RFC1: variants seen among roughly 807,000 people sequenced by gnomAD.
RFC1 encodes the protein A1 140 kDa subunit.
RFC1 carries 37 observed loss-of-function variants against 137.4 expected under a neutral mutation model. The observed-to-expected ratio is 0.27, with a 90% CI of 0.21 to 0.35. RFC1 has a LOEUF of 0.35. RFC1 is among the 10% of genes least tolerant of loss of function. The probability of loss-of-function intolerance (pLI) is 1.00; values close to 1 mark genes in which losing one functional copy is unlikely to be tolerated. For missense variants in RFC1, 1,205 were observed against 1,358.5 expected, an observed-to-expected ratio of 0.89 and a Z score of 1.78; for synonymous variants, 429 against 455.7, an observed-to-expected ratio of 0.94 and a Z score of 0.75.
chr4:39,303,143 C>G lies in RFC1; in HGVS notation c.2119G>C (p.Ala707Pro). 6.2e-7 allele frequency: 1 copy of G among 1,612,802 alleles called. No homozygotes were observed. Among genetic ancestry groups the G allele is most frequent in the African/African-American group, 1.3e-5 (1 of 75,014 alleles). ...SIKGFYSNGA[A>P]SSVSTKHALI... ...GCATGTTTCGTGCTTACTGAAGAGG[C>G]TGCTCCATCTGACCCAGGTTGAGGA... Residue 707 changes from alanine (A) to proline (P), a missense_variant, in exon 16 of 25, where the codon GCC becomes CCC. Around this residue, in one of 3 missense-constraint regions of RFC1, gnomAD observed 962 missense variants for 1,035.3 expected, o/e 0.93. Coordinates refer to ENST00000349703, the MANE Select transcript of RFC1 (RefSeq NM_002913.5).
At chr4:39,328,779 T>C (rs1333761353) in intron 4 of RFC1, among the ~76,000 whole-genome samples, 1 of 152,142 alleles carries the variant, frequency 6.6e-6, no homozygotes, top group Non-Finnish European at 1.5e-5. Context: ...ACTTAAGGCC[T>C]GTCATTTGGA....
chr4:39,308,727 T>C lies in RFC1; in HGVS notation c.1794A>G (p.Ile598Met), dbSNP rs377460974. Reference protein sequence around the residue: ...DKYKPTSLKTIIGQQGDQSCA... With the variant: ...DKYKPTSLKTMIGQQGDQSCA... The stretch of plus-strand genomic sequence containing the variant: ...AGCTCTGGTCACCTTGCTGTCCAAT[T>C]ATGGTCTTGAGCGAGGTTGGCTTAT... The change falls in exon 13 of 25, where the codon ATA (isoleucine) becomes ATG (methionine). Residue 598 changes from isoleucine to methionine, a missense_variant. Coordinates refer to ENST00000349703, the MANE Select transcript of RFC1 (RefSeq NM_002913.5). 1 of 1,614,062 alleles carries C rather than the reference T, an allele frequency of 6.2e-7. No homozygotes were observed. Among genetic ancestry groups the C allele is most frequent in the African/African-American group, 1.3e-5 (1 of 74,916 alleles).
chr4:39,306,762 T>C lies in RFC1; in HGVS notation c.1886-61A>G, dbSNP rs17335229. 5.4e-4 allele frequency: 513 copies of C among 944,654 alleles called. 1 individual carries two copies. In the African/African-American group the frequency reaches 7.3e-3, roughly 14 times the overall value. The allele number at this position is 944,654 out of a possible 1,614,324, so 58.5% of individuals were successfully genotyped here. On this transcript the variant is annotated intron_variant, in intron 13 of 24. Transcript: ENST00000349703. Reference sequence around the variant, plus strand: ...ATATCACCTAACAGAAATTCAAGCATGGCAGAAATAGTTATGCCTAAACTT... The same window carrying C: ...ATATCACCTAACAGAAATTCAAGCACGGCAGAAATAGTTATGCCTAAACTT...
chr4:39,311,850 G>T (rs4975003), intron 11 of RFC1, among the ~76,000 whole-genome samples: 1 of 151,964 alleles, frequency 6.6e-6, no homozygotes, highest in Non-Finnish European at 1.5e-5. Context: ...ATGGCCACTA[G>T]GGCCTAAGAC....
intron 10 of RFC1, among the ~76,000 whole-genome samples, chr4:39,315,475 G>A (rs1739192967): frequency 6.6e-6 from 1 of 152,146 alleles, no homozygotes; most frequent in South Asian, 2.1e-4. Context: ...ATCCCTTCAT[G>A]CCAAGAATGC....
At chr4:39,290,881 CTA>C (rs1036952037) in intron 23 of RFC1, among the ~76,000 whole-genome samples, 4 of 151,036 alleles carry the variant, frequency 2.6e-5, no homozygotes, top group African/African-American at 9.7e-5. Flanking sequence ...CCACAAAACA[CTA>C]GATACCTTTT....
rs370147025 is a variant in RFC1, at chr4:39,308,770, A to C, written c.1751T>G (p.Leu584Trp). The change falls in exon 13 of 25, where the codon TTG (leucine) becomes TGG (tryptophan). Residue 584 changes from leucine to tryptophan, a missense_variant. This residue lies in a region of RFC1 where 962 missense variants were observed against 1,035.3 expected (regional missense o/e 0.93). Transcript: ENST00000349703. ...DDSSENKVEN[L>W]LWVDKYKPTS... ...TGGCTTATATTTATCCACCCAGAGCAAATTTTCCACTTTGTTTTCACTGCT... is the reference window on the plus strand; with the variant it reads ...TGGCTTATATTTATCCACCCAGAGCCAATTTTCCACTTTGTTTTCACTGCT... The C allele has an allele frequency of 6.2e-7, 1 of 1,614,180 alleles. No homozygotes were observed. The highest frequency in any genetic ancestry group is 1.3e-5 in the African/African-American group (1 of 75,036).
intron 1 of RFC1, among the ~76,000 whole-genome samples, chr4:39,356,148 C>G (rs1229049078): frequency 6.6e-6 from 1 of 151,956 alleles, no homozygotes; most frequent in African/African-American, 2.4e-5. Context: ...CACCTGTAAT[C>G]CCAGCACTTT....
chr4:39,303,285 G>T, intron 15 of RFC1, 134 bp from the exon 16 acceptor site: 9 of 547,042 alleles, frequency 1.6e-5, no homozygotes, highest in African/African-American at 3.9e-5. Flanking sequence ...CTGGACTACA[G>T]AGTGTTGTTA....
intron 22 of RFC1, among the ~76,000 whole-genome samples, chr4:39,293,170 T>C (rs902678980): frequency 1.3e-5 from 2 of 152,166 alleles, no homozygotes; most frequent in African/African-American, 4.8e-5. Flanking sequence ...ATTTCATCCA[T>C]TTCCTCTAGA....
rs1430336741 is a variant in RFC1, at chr4:39,303,319, T to G, written c.2111-168A>C. On this transcript the variant is annotated intron_variant, in intron 15 of 24. Coordinates refer to ENST00000349703, the MANE Select transcript of RFC1 (RefSeq NM_002913.5). The stretch of plus-strand genomic sequence containing the variant: ...TAAAGAAAAAAAAAAAAAAAGAATA[T>G]GCAGAGAAGAGAAACTCTCCCTGCC... 18 of 591,412 alleles carry G rather than the reference T, an allele frequency of 3.0e-5. No individual in the cohort carries two copies. In the East Asian group the frequency reaches 5.0e-4, roughly 16 times the overall value. The allele number at this position is 591,412 out of a possible 1,614,324, so 36.6% of individuals were successfully genotyped here.
chr4:39,357,244 C>CT (rs563117612), intron 1 of RFC1, among the ~76,000 whole-genome samples: 145 of 152,252 alleles, frequency 9.5e-4, no homozygotes, highest in African/African-American at 3.3e-3. Context: ...TTAAGTCTAC[C>CT]TGAGAGGCCA....
At chr4:39,344,293 A>G (rs1476028167) in intron 3 of RFC1, among the ~76,000 whole-genome samples, 2 of 152,198 alleles carry the variant, frequency 1.3e-5, no homozygotes, top group African/African-American at 4.8e-5. Flanking sequence ...ATTATGTTCA[A>G]AGAAAAGCCT....
chr4:39,343,922 G>A (rs1740725491), intron 3 of RFC1, among the ~76,000 whole-genome samples: 1 of 152,034 alleles, frequency 6.6e-6, no homozygotes, highest in African/African-American at 2.4e-5. Context: ...AGACCAGCCT[G>A]GCCAACATGG....
At chr4:39,342,285 C>T in intron 4 of RFC1, 60 bp downstream of exon 4, 1 of 1,519,294 alleles carries the variant, frequency 6.6e-7, no homozygotes, top group African/African-American at 1.4e-5. Flanking sequence ...ATTTAGACAC[C>T]AACAAAAAAC....
chr4:39,330,609 G>C (rs539861786), intron 4 of RFC1, among the ~76,000 whole-genome samples: 124 of 152,242 alleles, frequency 8.1e-4, no homozygotes, highest in African/African-American at 2.8e-3. Flanking sequence ...TGCTCAACCA[G>C]TATGTACAAA....
At chr4:39,290,258 G>A (rs1394987785) in intron 23 of RFC1, among the ~76,000 whole-genome samples, 1 of 151,934 alleles carries the variant, frequency 6.6e-6, no homozygotes, top group African/African-American at 2.4e-5. Context: ...CTGAAGGTGG[G>A]GCACAGTGGC....
intron 14 of RFC1, 144 bp from the exon 15 acceptor site, chr4:39,305,072 C>T (rs750033911): frequency 1.5e-5 from 10 of 649,562 alleles, no homozygotes; most frequent in African/African-American, 3.6e-5. Context: ...TACTAACAGA[C>T]AATGAGATTA....
chr4:39,304,493 G>A (rs1485777381), intron 15 of RFC1, among the ~76,000 whole-genome samples: 1 of 152,024 alleles, frequency 6.6e-6, no homozygotes, highest in South Asian at 2.1e-4. Context: ...AAGGTAATGA[G>A]GTAATAAGTC....
Sources: allele counts gnomAD v4.1 joint callset (sites outside exome capture counted in the v4.1 genomes callset), GRCh38; gene constraint gnomAD v4.1.1; regional missense constraint gnomAD v4.1.1; transcripts MANE v1.5; gene names NCBI Gene and HGNC (gene_info 2026-07-23, HGNC 2026-07-21).